ZSCAN25: variants seen among roughly 807,000 people sequenced by gnomAD.
ZSCAN25 encodes the protein zinc finger and SCAN domain containing 25.
Under a neutral mutation model 38.7 loss-of-function variants are expected in ZSCAN25, and 27 were observed. That is an observed-to-expected ratio of 0.70 (90% CI 0.51 to 0.96). The LOEUF (loss-of-function observed/expected upper bound fraction) is 0.96. ZSCAN25 is among the 40% of genes least tolerant of loss of function. The pLI, the probability that ZSCAN25 is intolerant of heterozygous loss-of-function variation, is 0.00. For missense variants in ZSCAN25, 637 were observed against 705.9 expected (o/e 0.90, Z 1.11); for synonymous variants, 273 against 277.7 (o/e 0.98, Z 0.17).
the ZSCAN25 span, among the ~76,000 whole-genome samples, chr7:99,736,058 G>A: frequency 6.6e-5 from 10 of 152,344 alleles, no homozygotes; most frequent in African/African-American, 2.2e-4. Flanking sequence ...GACATGGCAT[G>A]GATGAGATGG....
At chr7:99,657,193 C>G in the ZSCAN25 span, among the ~76,000 whole-genome samples, 3 of 152,206 alleles carry the variant, frequency 2.0e-5, no homozygotes, top group African/African-American at 7.2e-5. Flanking sequence ...AATGTTAGAT[C>G]TTTCCTGCTT....
At chr7:99,687,361 A>G in the ZSCAN25 span, among the ~76,000 whole-genome samples, 1 of 152,264 alleles carries the variant, frequency 6.6e-6, no homozygotes, top group Non-Finnish European at 1.5e-5. Flanking sequence ...AGGATTGAGA[A>G]CTACATGAAG....
chr7:99,705,664 T>TA, the ZSCAN25 span: 150 of 1,559,686 alleles, frequency 9.6e-5, no homozygotes, highest in Middle Eastern at 2.3e-4. Context: ...AGCATCAAAG[T>TA]AAAAAAAAAT....
rs551590307 is a variant in ZSCAN25 at position 99,630,232 on chromosome 7, A to G, written c.*212A>G. The G allele has an allele frequency of 1.2e-5, 16 of 1,344,826 alleles. No individual in the cohort carries two copies. In the South Asian group the frequency reaches 1.7e-4, roughly 15 times the overall value. The allele number at this position is 1,344,826 out of a possible 1,614,324, so 83.3% of individuals were successfully genotyped here. On this transcript the variant is annotated 3_prime_UTR_variant, in exon 8 of 8. Transcript: ENST00000394152. ...GTGGTGCTAAACAATTTTTCTTCCA[A>G]TGTTTGAGGGAAGCAGTCTCCTGCG...
the ZSCAN25 span, among the ~76,000 whole-genome samples, chr7:99,655,578 A>T: frequency 2.0e-5 from 3 of 152,294 alleles, no homozygotes; most frequent in Non-Finnish European, 2.9e-5. Flanking sequence ...TTTTGGTTCC[A>T]TATGAACTTT....
the ZSCAN25 span, among the ~76,000 whole-genome samples, chr7:99,669,966 C>A: frequency 2.0e-5 from 3 of 152,098 alleles, no homozygotes; most frequent in Non-Finnish European, 4.4e-5. Flanking sequence ...TCAAGAAAAT[C>A]CATGTGCACA....
the ZSCAN25 span, among the ~76,000 whole-genome samples, chr7:99,668,404 C>A: frequency 6.6e-6 from 1 of 152,206 alleles, no homozygotes; most frequent in Non-Finnish European, 1.5e-5. Flanking sequence ...GGCCTGCAGG[C>A]CTCATGCAGT....
At chr7:99,710,696 A>G in the ZSCAN25 span, 3 of 1,613,466 alleles carry the variant, frequency 1.9e-6, no homozygotes, top group Non-Finnish European at 2.5e-6. Context: ...CTAAGGCTTC[A>G]CCTCCTCCCT....
At chr7:99,655,874 T>G in the ZSCAN25 span, among the ~76,000 whole-genome samples, 1 of 152,214 alleles carries the variant, frequency 6.6e-6, no homozygotes, top group Non-Finnish European at 1.5e-5. Context: ...GATTTGGCTC[T>G]CTGTTTGTCT....
At chr7:99,665,590 T>C in the ZSCAN25 span, among the ~76,000 whole-genome samples, 2 of 152,190 alleles carry the variant, frequency 1.3e-5, no homozygotes, top group African/African-American at 2.4e-5. Context: ...AGAGACCCAT[T>C]ATCAGACAAC....
At chr7:99,717,752 A>G in the ZSCAN25 span, 2 of 1,326,904 alleles carry the variant, frequency 1.5e-6, no homozygotes, top group African/African-American at 1.5e-5. Flanking sequence ...GTGACTGTCT[A>G]CTAAGTGACA....
At chr7:99,707,660 C>A in the ZSCAN25 span, 1 of 1,305,358 alleles carries the variant, frequency 7.7e-7, no homozygotes. Context: ...AACTGAAGCA[C>A]CCTTAAAGAT....
chr7:99,619,597 G>T lies in ZSCAN25; in HGVS notation c.-10G>T, dbSNP rs1806761682. ...CAGTCATTCTCAGTCTCCTCGGAGG[G>T]AGTCTGAAGATGCTTAAAGAGCATC... On this transcript the variant is annotated 5_prime_UTR_variant, in exon 4 of 8. Coordinates refer to ENST00000394152, the MANE Select transcript of ZSCAN25 (RefSeq NM_145115.3). 1.9e-6 allele frequency: 3 copies of T among 1,606,666 alleles called. No individual in the cohort carries two copies. Among genetic ancestry groups the T allele is most frequent in the South Asian group, 1.1e-5 (1 of 90,474 alleles).
At chr7:99,628,720 C>G (rs1470400187) in intron 7 of ZSCAN25, among the ~76,000 whole-genome samples, 2 of 152,220 alleles carry the variant, frequency 1.3e-5, no homozygotes, top group African/African-American at 2.4e-5. Flanking sequence ...GAGCAGGCAC[C>G]TGGAAGGTCT....
chr7:99,726,823 C>T, the ZSCAN25 span, among the ~76,000 whole-genome samples: 31 of 152,296 alleles, frequency 2.0e-4, no homozygotes, highest in African/African-American at 6.3e-4. Context: ...CGGGTATCCC[C>T]CTCCAAAGCT....
At chr7:99,624,691 A>G (rs1807313757) in intron 7 of ZSCAN25, among the ~76,000 whole-genome samples, 1 of 152,146 alleles carries the variant, frequency 6.6e-6, no homozygotes. Context: ...TCACAGAGGA[A>G]GCAGAGCTGC....
chr7:99,642,244 T>G, the ZSCAN25 span, among the ~76,000 whole-genome samples: 10 of 152,268 alleles, frequency 6.6e-5, no homozygotes, highest in African/African-American at 2.2e-4. Context: ...CTCTTGAAAC[T>G]GACCAAAGTG....
At chr7:99,704,692 C>T in the ZSCAN25 span, among the ~76,000 whole-genome samples, 5 of 151,838 alleles carry the variant, frequency 3.3e-5, no homozygotes, top group Non-Finnish European at 7.4e-5. Flanking sequence ...GGCTGGGCAC[C>T]GTGGCTCATG....
At chr7:99,683,141 A>G in the ZSCAN25 span, among the ~76,000 whole-genome samples, 1 of 152,224 alleles carries the variant, frequency 6.6e-6, no homozygotes, top group Non-Finnish European at 1.5e-5. Context: ...TTCCTGGCAC[A>G]AAATGTATCC....
Sources: allele counts gnomAD v4.1 joint callset (sites outside exome capture counted in the v4.1 genomes callset), GRCh38; gene constraint gnomAD v4.1.1; transcripts MANE v1.5; gene names NCBI Gene and HGNC (gene_info 2026-07-23, HGNC 2026-07-21).